The following AFG1L variants were observed in gnomAD, a reference collection of about 807,000 sequenced individuals.
AFG1L encodes the protein AFG1-like ATPase.
In AFG1L, 53 loss-of-function variants were observed where a neutral mutation model predicts 62.2. The ratio of observed to expected loss-of-function variants is 0.85; its 90% CI spans 0.68 to 1.07. The LOEUF (loss-of-function observed/expected upper bound fraction) is 1.07, where lower values mean the gene tolerates loss of function less well. Among genes scored for constraint, AFG1L ranks in the 50% least tolerant of loss-of-function variants. The pLI is 0.00. For synonymous variants in AFG1L, 228 were observed against 210.3 expected (o/e 1.08, Z -0.73); for missense variants, 555 against 590.5 (o/e 0.94, Z 0.62).
rs1008248613 is a variant in AFG1L, at chr6:108,516,863, G to C, written c.1204-2834G>C. The stretch of plus-strand genomic sequence containing the variant: ...AGCATTCTTATACACCAATAACAGA[G>C]AAACAGAGAGCCAAATCATGAGTGA... On this transcript the variant is annotated intron_variant, in intron 11 of 12. Coordinates refer to ENST00000368977, the MANE Select transcript of AFG1L (RefSeq NM_145315.5). Among the ~76,000 whole-genome samples the C allele has an allele frequency of 7.1e-4, 108 of 152,008 alleles. 1 individual carries two copies. The highest frequency in any genetic ancestry group is 2.4e-4 in the Non-Finnish European group (16 of 67,964).
chr6:108,345,511 C>T (rs1414001463), intron 2 of AFG1L, among the ~76,000 whole-genome samples: 1 of 151,770 alleles, frequency 6.6e-6, no homozygotes, highest in Non-Finnish European at 1.5e-5. Context: ...GGGAGTACAT[C>T]ACCATGCCGG....
intron 6 of AFG1L, among the ~76,000 whole-genome samples, chr6:108,379,142 C>T (rs1280767786): frequency 6.6e-6 from 1 of 151,860 alleles, no homozygotes; most frequent in Non-Finnish European, 1.5e-5. Flanking sequence ...TCCTGAGTAG[C>T]TGGGATTGCA....
At position 108,295,215 on chromosome 6, in the gene AFG1L, A is replaced by G; in HGVS notation, c.136A>G (p.Lys46Glu). ...CACCGCCCCTGGGAAGCCCTTTTGG[A>G]AAGGTCAGTGACTGTGCCATGAGTA... Reference protein sequence around the residue: ...LATAPGKPFWKAYTVQTSESM... With the variant: ...LATAPGKPFWEAYTVQTSESM... Residue 46 changes from lysine to glutamate, a missense_variant, in exon 1 of 13, where the codon AAA becomes GAA. Transcript: ENST00000368977. 1 of 1,602,506 alleles carries G rather than the reference A, an allele frequency of 6.2e-7. No homozygotes were observed. The highest frequency in any genetic ancestry group is 8.5e-7 in the Non-Finnish European group (1 of 1,179,516).
intron 11 of AFG1L, among the ~76,000 whole-genome samples, chr6:108,511,957 T>C (rs1330560436): frequency 1.3e-5 from 2 of 152,206 alleles, no homozygotes; most frequent in Non-Finnish European, 2.9e-5. Flanking sequence ...CACTGTGGGA[T>C]GACCTGTTAG....
chr6:108,517,027 T>C (rs1164599617), intron 11 of AFG1L, among the ~76,000 whole-genome samples: 1 of 152,098 alleles, frequency 6.6e-6, no homozygotes, highest in Non-Finnish European at 1.5e-5. Flanking sequence ...GGAAGAACAT[T>C]CCATGCTCAT....
At chr6:108,468,324 T>C (rs1394595039) in intron 8 of AFG1L, among the ~76,000 whole-genome samples, 2 of 152,234 alleles carry the variant, frequency 1.3e-5, no homozygotes, top group East Asian at 3.8e-4. Context: ...TGATTAATAG[T>C]TTGAATGATC....
At chr6:108,359,215 C>T (rs1398113603) in intron 5 of AFG1L, 2 of 152,032 alleles carry the variant, frequency 1.3e-5, no homozygotes, top group Non-Finnish European at 2.9e-5. Context: ...ATAGTGAAGT[C>T]CTACCAAAAA....
At chr6:108,346,960 AG>A (rs1778885735) in intron 2 of AFG1L, 27 bp from the exon 3 acceptor site, 1 of 1,552,114 alleles carries the variant, frequency 6.4e-7, no homozygotes, top group South Asian at 1.1e-5. Flanking sequence ...TGCATGGTAG[AG>A]ATTTATAATT....
chr6:108,369,671 C>T (rs576093306), intron 6 of AFG1L, among the ~76,000 whole-genome samples: 20 of 151,820 alleles, frequency 1.3e-4, no homozygotes, highest in Non-Finnish European at 2.4e-4. Flanking sequence ...GTGCAGTGCG[C>T]GATCTTGGTT....
chr6:108,377,072 T>G (rs75478896), intron 6 of AFG1L, among the ~76,000 whole-genome samples: 6,397 of 151,914 alleles, frequency 0.042, 217 homozygotes, highest in South Asian at 0.1. Flanking sequence ...TTTTCTGCCT[T>G]TTTTTTTGGT....
chr6:108,377,081 GT>G (rs1780280921), intron 6 of AFG1L, among the ~76,000 whole-genome samples: 1 of 149,688 alleles, frequency 6.7e-6, no homozygotes, highest in South Asian at 2.1e-4. Flanking sequence ...TTTTTTTTTG[GT>G]TTTCTTTTTG....
chr6:108,432,149 A>T (rs996498104), intron 7 of AFG1L, among the ~76,000 whole-genome samples: 1 of 151,982 alleles, frequency 6.6e-6, no homozygotes, highest in Non-Finnish European at 1.5e-5. Context: ...GTTCCAAATC[A>T]TAGTGGTCCT....
chr6:108,471,735 T>G (rs190593828), intron 8 of AFG1L, among the ~76,000 whole-genome samples: 31 of 152,180 alleles, frequency 2.0e-4, no homozygotes, highest in Non-Finnish European at 4.0e-4. Flanking sequence ...ATCGTGTTCT[T>G]ATTAAAAATT....
At position 108,404,724 on chromosome 6, in the gene AFG1L, T is replaced by C. The variant is rs575205527; in HGVS notation, c.807+2670T>C. Among the ~76,000 whole-genome samples, 8 of 151,870 alleles carry C rather than the reference T, an allele frequency of 5.3e-5. 1 individual carries two copies. In the South Asian group the frequency reaches 1.7e-3, roughly 32 times the overall value. ...GCATACAGATTTATAATAATTATTT[T>C]ATTTATTTATTTATTTATTTTGAGA... On this transcript the variant is annotated intron_variant, in intron 7 of 12. Transcript: ENST00000368977.
At chr6:108,437,625 T>C (rs1771366561) in intron 7 of AFG1L, among the ~76,000 whole-genome samples, 1 of 152,176 alleles carries the variant, frequency 6.6e-6, no homozygotes, top group Non-Finnish European at 1.5e-5. Flanking sequence ...CCCATTATAG[T>C]ATAGAATTTA....
intron 11 of AFG1L, among the ~76,000 whole-genome samples, chr6:108,511,126 G>GTA (rs1416228296): frequency 6.5e-5 from 9 of 137,982 alleles, no homozygotes; most frequent in African/African-American, 2.4e-4. Context: ...AGAAGTAGAA[G>GTA]GAGGAGGAGG....
At chr6:108,415,570 G>T (rs1189088917) in intron 7 of AFG1L, among the ~76,000 whole-genome samples, 5 of 152,184 alleles carry the variant, frequency 3.3e-5, no homozygotes, top group Non-Finnish European at 7.3e-5. Context: ...TACCAAAACA[G>T]ATATACAGAC....
intron 6 of AFG1L, among the ~76,000 whole-genome samples, chr6:108,389,265 G>T (rs1387820146): frequency 5.9e-5 from 9 of 152,070 alleles, no homozygotes; most frequent in Admixed American, 5.2e-4. Flanking sequence ...TTGAGCCTGT[G>T]TGTGTCTCTG....
chr6:108,420,584 G>A (rs1770544694), intron 7 of AFG1L, among the ~76,000 whole-genome samples: 1 of 151,682 alleles, frequency 6.6e-6, no homozygotes, highest in Non-Finnish European at 1.5e-5. Flanking sequence ...GAAAATGGTT[G>A]TGATGTGGAT....
Sources: gnomAD v4.1 joint callset for allele counts (sites outside exome capture counted in the v4.1 genomes callset) on GRCh38, gnomAD v4.1.1 for gene constraint, MANE v1.5 for transcripts, NCBI Gene and HGNC (gene_info 2026-07-23, HGNC 2026-07-21) for gene names.